Variants in FAM110B observed in about 807,000 individuals in gnomAD.
FAM110B encodes family with sequence similarity 110 member B, also known as protein FAM110B.
In FAM110B, 6 loss-of-function variants were observed where a neutral mutation model predicts 20.4. The ratio of observed to expected loss-of-function variants is 0.29; its 90% CI spans 0.16 to 0.58. The LOEUF (loss-of-function observed/expected upper bound fraction) is 0.58, where lower values mean the gene tolerates loss of function less well. Ranked by LOEUF, FAM110B falls within the 20% of genes least tolerant of loss-of-function variation. The pLI, the probability that FAM110B is intolerant of heterozygous loss-of-function variation, is 0.90. For synonymous variants in FAM110B, 226 were observed against 214.1 expected, an observed-to-expected ratio of 1.06 and a Z score of -0.49; for missense variants, 434 against 498.2, an observed-to-expected ratio of 0.87 and a Z score of 1.23.
At chr8:58,082,553 C>T (rs980232999) in intron 3 of FAM110B, among the ~76,000 whole-genome samples, 1 of 152,180 alleles carries the variant, frequency 6.6e-6, no homozygotes, top group African/African-American at 2.4e-5. Context: ...TTGTGAAAAT[C>T]TGATTTAAGT....
At chr8:58,088,620 C>T (rs1170540440) in intron 3 of FAM110B, among the ~76,000 whole-genome samples, 3 of 152,154 alleles carry the variant, frequency 2.0e-5, no homozygotes, top group African/African-American at 7.2e-5. Flanking sequence ...CAGTTGATGG[C>T]ACACACTAGA....
chr8:58,146,178 C>T lies in FAM110B; in HGVS notation c.-53C>T, dbSNP rs565624676. The T allele has an allele frequency of 2.6e-6, 4 of 1,535,572 alleles. No individual in the cohort carries two copies. The highest frequency in any genetic ancestry group is 2.0e-5 in the Admixed American group (1 of 50,236). On this transcript the variant is annotated 5_prime_UTR_variant, in exon 4 of 4. Transcript: ENST00000519262. ...TGTACATGTGTCTATTCAGGCCTTGCGGAGGCGCCCAGAAGAGCATCCAAC... is the reference window on the plus strand; with the variant it reads ...TGTACATGTGTCTATTCAGGCCTTGTGGAGGCGCCCAGAAGAGCATCCAAC...
chr8:58,089,824 G>T (rs1406593815), intron 3 of FAM110B, among the ~76,000 whole-genome samples: 4 of 152,188 alleles, frequency 2.6e-5, no homozygotes, highest in Admixed American at 2.0e-4. Context: ...CAAAACTATT[G>T]CTTACTTTGA....
intron 3 of FAM110B, among the ~76,000 whole-genome samples, chr8:58,086,113 G>GT (rs1480751786): frequency 6.6e-6 from 1 of 152,144 alleles, no homozygotes; most frequent in Non-Finnish European, 1.5e-5. Context: ...CATCACCTAT[G>GT]TACAGTGGTC....
chr8:58,010,891 T>G (rs540900298), intron 1 of FAM110B, among the ~76,000 whole-genome samples: 1 of 152,348 alleles, frequency 6.6e-6, no homozygotes, highest in South Asian at 2.1e-4. Context: ...GTGGAAAGCT[T>G]GGCAATGTCT....
chr8:58,048,068 C>T (rs1267970215), intron 2 of FAM110B, among the ~76,000 whole-genome samples: 1 of 152,136 alleles, frequency 6.6e-6, no homozygotes, highest in African/African-American at 2.4e-5. Context: ...CATCCTTAAA[C>T]CCAGCTTGAA....
At chr8:58,084,514 C>G (rs1806281808) in intron 3 of FAM110B, among the ~76,000 whole-genome samples, 1 of 151,968 alleles carries the variant, frequency 6.6e-6, no homozygotes, top group Non-Finnish European at 1.5e-5. Flanking sequence ...CTCAGCCTGC[C>G]AAGTAGCTGG....
chr8:58,022,764 CT>C (rs1002485789), intron 1 of FAM110B, among the ~76,000 whole-genome samples: 2 of 152,168 alleles, frequency 1.3e-5, no homozygotes, highest in African/African-American at 4.8e-5. Flanking sequence ...AGTAGAAATT[CT>C]TTGGCCTGAA....
intron 3 of FAM110B, among the ~76,000 whole-genome samples, chr8:58,119,462 A>G (rs1451936272): frequency 1.3e-5 from 2 of 152,088 alleles, no homozygotes; most frequent in Non-Finnish European, 2.9e-5. Flanking sequence ...TGACCTAATC[A>G]CCACCTAAAG....
At chr8:58,037,432 T>C (rs1805098477) in intron 2 of FAM110B, among the ~76,000 whole-genome samples, 1 of 151,708 alleles carries the variant, frequency 6.6e-6, no homozygotes, top group Non-Finnish European at 1.5e-5. Flanking sequence ...GGCCAGGAGT[T>C]TGAGACCAGC....
chr8:58,008,054 T>A (rs1360895804), intron 1 of FAM110B, among the ~76,000 whole-genome samples: 1 of 151,798 alleles, frequency 6.6e-6, no homozygotes, highest in East Asian at 1.9e-4. Flanking sequence ...TCTGTGCTCA[T>A]AGATGTTTAA....
chr8:58,067,066 C>T (rs1484165703), intron 2 of FAM110B, among the ~76,000 whole-genome samples: 1 of 152,216 alleles, frequency 6.6e-6, no homozygotes, highest in African/African-American at 2.4e-5. Context: ...CTAAAGTTAC[C>T]TGGAACCCTG....
intron 2 of FAM110B, among the ~76,000 whole-genome samples, chr8:58,063,469 C>T (rs919723352): frequency 2.4e-4 from 37 of 151,866 alleles, no homozygotes; most frequent in African/African-American, 8.7e-4. Flanking sequence ...CCTCATACAT[C>T]ATTTGAAATG....
At chr8:58,002,595 G>C (rs961515910) in intron 1 of FAM110B, among the ~76,000 whole-genome samples, 1 of 152,144 alleles carries the variant, frequency 6.6e-6, no homozygotes, top group Non-Finnish European at 1.5e-5. Flanking sequence ...GAGACAAATT[G>C]TGGGTTTGAT....
intron 3 of FAM110B, among the ~76,000 whole-genome samples, chr8:58,127,450 C>T (rs1404181432): frequency 6.6e-6 from 1 of 152,074 alleles, no homozygotes; most frequent in Non-Finnish European, 1.5e-5. Context: ...GGAGGTTTTG[C>T]TTGACCTTCT....
At chr8:58,119,901 T>C (rs1807312309) in intron 3 of FAM110B, among the ~76,000 whole-genome samples, 1 of 152,208 alleles carries the variant, frequency 6.6e-6, no homozygotes, top group Non-Finnish European at 1.5e-5. Flanking sequence ...TCTTTTACTA[T>C]TGAGAAAACC....
intron 3 of FAM110B, among the ~76,000 whole-genome samples, chr8:58,111,057 T>C (rs1041511730): frequency 6.6e-6 from 1 of 152,200 alleles, no homozygotes; most frequent in Non-Finnish European, 1.5e-5. Context: ...AATTCATACA[T>C]TTAATGTTAA....
intron 2 of FAM110B, among the ~76,000 whole-genome samples, chr8:58,048,681 T>G (rs1805378359): frequency 6.6e-6 from 1 of 152,262 alleles, no homozygotes; most frequent in South Asian, 2.1e-4. Flanking sequence ...TCTAACCTAC[T>G]TCAGGGCTTG....
chr8:58,087,019 G>A (rs925926983), intron 3 of FAM110B, among the ~76,000 whole-genome samples: 6 of 152,214 alleles, frequency 3.9e-5, no homozygotes, highest in Non-Finnish European at 2.9e-5. Context: ...ACCATACACC[G>A]TCTGGTTGCA....
Sources: gnomAD v4.1 joint callset for allele counts (sites outside exome capture counted in the v4.1 genomes callset) on GRCh38, gnomAD v4.1.1 for gene constraint, MANE v1.5 for transcripts, NCBI Gene and HGNC (gene_info 2026-07-23, HGNC 2026-07-21) for gene names.